PROSER3: variants seen among roughly 807,000 people sequenced by gnomAD.
PROSER3 encodes proline and serine rich 3.
A neutral mutation model predicts 50.2 loss-of-function variants in PROSER3; 33 were observed. The ratio of observed to expected loss-of-function variants is 0.66; its 90% CI spans 0.50 to 0.88. The LOEUF (loss-of-function observed/expected upper bound fraction) is 0.88, where lower values mean the gene tolerates loss of function less well. PROSER3 is among the 40% of genes least tolerant of loss of function. The probability of loss-of-function intolerance (pLI) is 0.00; values close to 1 mark genes in which losing one functional copy is unlikely to be tolerated. For missense variants in PROSER3, 623 were observed against 612.7 expected, an observed-to-expected ratio of 1.02 and a Z score of -0.18; for synonymous variants, 266 against 259.3, an observed-to-expected ratio of 1.03 and a Z score of -0.25.
At chr19:35,767,593 A>C in intron 8 of PROSER3, 1 of 601,870 alleles carries the variant, frequency 1.7e-6, no homozygotes, top group Non-Finnish European at 2.9e-6. Flanking sequence ...CTGCCGAGCA[A>C]GTCCCTGCAG....
rs971051282 is a variant in PROSER3, at chr19:35,766,761, C to A, written c.770-7C>A. On this transcript the variant is annotated splice_region_variant and splice_polypyrimidine_tract_variant and intron_variant, in intron 7 of 10. Coordinates refer to ENST00000396908, the Ensembl canonical transcript of PROSER3. ...CCTCACCCTCTCCTCTCTACCTCCC[C>A]CTACAGCATCCCCGGCACCAGCCCA... The A allele has an allele frequency of 3.4e-5, 53 of 1,544,242 alleles. No homozygotes were observed. The highest frequency in any genetic ancestry group is 4.6e-5 in the Non-Finnish European group (53 of 1,141,820).
chr19:35,761,908 A>G (rs1450230590), intron 3 of PROSER3, 111 bp from the exon 4 acceptor site: 2 of 1,252,234 alleles, frequency 1.6e-6, no homozygotes, highest in African/African-American at 3.1e-5. Context: ...ATATTGAGGG[A>G]TAGCTACCAG....
rs767989698 is a variant in PROSER3, at chr19:35,764,918, C to CCAGGCTGCTCAAACGCAGGG, written c.626+1_626+2insGCAGGCTGCTCAAACGCAGG. On this transcript the variant is annotated frameshift_variant, in exon 6 of 11. Transcript: ENST00000396908. LOFTEE classifies it high-confidence loss of function. Reference sequence around the variant, plus strand: ...ACGCTGAGCCTACAGAGCAGAGCTGCCAGGCTGCTCAAACGCAGGTGCCCG... The same window carrying CCAGGCTGCTCAAACGCAGGG: ...ACGCTGAGCCTACAGAGCAGAGCTGCCAGGCTGCTCAAACGCAGGGCAGGCTGCTCAAACGCAGGTGCCCG... The CCAGGCTGCTCAAACGCAGGG allele has an allele frequency of 2.2e-5, 35 of 1,613,604 alleles. No individual in the cohort carries two copies. Among genetic ancestry groups the CCAGGCTGCTCAAACGCAGGG allele is most frequent in the Non-Finnish European group, 2.7e-5 (32 of 1,179,878 alleles).
At chr19:35,758,694 T>C (rs971504285) in intron 1 of PROSER3, 1 of 156,402 alleles carries the variant, frequency 6.4e-6, no homozygotes, top group East Asian at 1.9e-4. Context: ...TAAGACAGAG[T>C]CTCTCGCTCT....
rs747821810 is a variant in PROSER3 at position 35,765,322 on chromosome 19, G to T, written c.769+146G>T. The T allele has an allele frequency of 2.1e-4, 224 of 1,088,014 alleles. 1 individual carries two copies. The highest frequency in any genetic ancestry group is 2.8e-4 in the Non-Finnish European group (216 of 779,830). 67.4% of individuals were successfully genotyped at this position (1,088,014 alleles called of 1,614,324 possible). A position where few individuals can be genotyped will look rare whatever the true frequency, so the allele number is the denominator to read the frequency against. ...AGGCCAGATGAGGTGGGTCAGGCAT[G>T]GAGGCCGAGGCGGGCAGATTGCCTG... is the stretch of plus-strand genomic sequence containing the variant. On this transcript the variant is annotated intron_variant, in intron 7 of 10. Transcript: ENST00000396908.
chr19:35,759,893 C>T (rs372726369), exon 3 of PROSER3: 86 of 1,596,822 alleles, frequency 5.4e-5, no homozygotes, highest in Non-Finnish European at 6.5e-5. Context: ...CCTGGCCATC[C>T]AGTTCAGGGA....
At chr19:35,759,132 G>C in intron 1 of PROSER3, 1 of 500,482 alleles carries the variant, frequency 2.0e-6, no homozygotes, top group Non-Finnish European at 3.6e-6. Context: ...TGGATCCAGG[G>C]TTGAGAACCA....
intron 5 of PROSER3, among the ~76,000 whole-genome samples, chr19:35,763,628 CGA>C (rs2146593344): frequency 6.9e-6 from 1 of 145,524 alleles, no homozygotes; most frequent in Non-Finnish European, 1.5e-5. Context: ...CTCAGCCTCC[CGA>C]GTAGCTGGGA....
At position 35,761,914 on chromosome 19, in the gene PROSER3, A is replaced by T; in HGVS notation, c.312-105A>T. 3 of 1,305,904 alleles carry T rather than the reference A, an allele frequency of 2.3e-6. No individual in the cohort carries two copies. In the South Asian group the frequency reaches 5.2e-5, roughly 23 times the overall value. The allele number at this position is 1,305,904 out of a possible 1,614,324, so 80.9% of individuals were successfully genotyped here. Reference sequence around the variant, plus strand: ...GAAAAGCAGATATTGAGGGATAGCTACCAGGCTCTGCCATGGTGCTTGGTA... The same window carrying T: ...GAAAAGCAGATATTGAGGGATAGCTTCCAGGCTCTGCCATGGTGCTTGGTA... On this transcript the variant is annotated intron_variant, in intron 3 of 10. Coordinates refer to ENST00000396908, the Ensembl canonical transcript of PROSER3.
At chr19:35,768,490 C>T (rs1246491309) in exon 11 of PROSER3, 2 of 1,598,044 alleles carry the variant, frequency 1.3e-6, no homozygotes, top group African/African-American at 2.7e-5. Flanking sequence ...CCCCCTAGGT[C>T]CCCAAGGAGG....
intron 5 of PROSER3, 155 bp downstream of exon 5, chr19:35,762,511 C>A: frequency 1.8e-6 from 1 of 544,400 alleles, no homozygotes; most frequent in Non-Finnish European, 3.2e-6. Flanking sequence ...GAGTTCAAGA[C>A]CAGCTTGGGT....
chr19:35,765,773 G>C (rs989415759), intron 7 of PROSER3, among the ~76,000 whole-genome samples: 1 of 152,038 alleles, frequency 6.6e-6, no homozygotes, highest in South Asian at 2.1e-4. Context: ...GGGCTCAAGC[G>C]ATCCCCCCAC....
At chr19:35,767,314 C>A (rs997810128) in intron 8 of PROSER3, 4 of 297,844 alleles carry the variant, frequency 1.3e-5, no homozygotes, top group Admixed American at 4.8e-5. Flanking sequence ...AGGCCTCCAC[C>A]CTAGCACATC....
intron 10 of PROSER3, 58 bp downstream of exon 10, chr19:35,768,294 C>T (rs1353572598): frequency 6.3e-7 from 1 of 1,584,580 alleles, no homozygotes; most frequent in Non-Finnish European, 8.6e-7. Context: ...CCTCTGAGAC[C>T]CGGTTAGGCA....
chr19:35,768,209 A>AT lies in PROSER3; in HGVS notation c.1275dup (p.Arg426Ter). 1 of 1,613,518 alleles carries AT rather than the reference A, an allele frequency of 6.2e-7. No individual in the cohort carries two copies. The highest frequency in any genetic ancestry group is 8.5e-7 in the Non-Finnish European group (1 of 1,179,672). On this transcript the variant is annotated frameshift_variant, in exon 10 of 11. Transcript: ENST00000396908. LOFTEE classifies it low-confidence loss of function (END_TRUNC). ...CCCGTGCTGCAGGTGCTAAGAGCCC[A>AT]TAGGGCAGAGCTGAGTCGGCAGAAA...
chr19:35,765,509 G>A (rs1568412249), intron 7 of PROSER3, among the ~76,000 whole-genome samples: 1 of 152,054 alleles, frequency 6.6e-6, no homozygotes, highest in South Asian at 2.1e-4. Flanking sequence ...GAACCTGGGA[G>A]GCGGAGGTTG....
chr19:35,766,287 T>C (rs546663220), intron 7 of PROSER3, among the ~76,000 whole-genome samples: 1 of 152,288 alleles, frequency 6.6e-6, no homozygotes, highest in South Asian at 2.1e-4. Flanking sequence ...CTCACGCCTA[T>C]AATCCCAGCA....
At chr19:35,766,923 G>C (rs929440917) in exon 8 of PROSER3, 2 of 1,554,744 alleles carry the variant, frequency 1.3e-6, no homozygotes, top group Admixed American at 3.9e-5. Context: ...CAGAGCTTGG[G>C]TGCCGCCTCT....
intron 7 of PROSER3, among the ~76,000 whole-genome samples, chr19:35,766,005 A>G (rs1031381238): frequency 1.3e-5 from 2 of 152,164 alleles, no homozygotes; most frequent in South Asian, 2.1e-4. Context: ...GGTGCAGCCA[A>G]GGGAGGGTTC....
Sources: allele counts gnomAD v4.1 joint callset (sites outside exome capture counted in the v4.1 genomes callset), GRCh38; gene constraint gnomAD v4.1.1; transcripts MANE v1.5; gene names NCBI Gene and HGNC (gene_info 2026-07-23, HGNC 2026-07-21).